Variants in DIAPH2 observed in about 807,000 individuals in gnomAD.
The protein encoded by DIAPH2 is diaphanous related formin 2, also known as protein diaphanous homolog 2.
In DIAPH2, 35 loss-of-function variants were observed where a neutral mutation model predicts 92.7. That is an observed-to-expected ratio of 0.38 (90% CI 0.29 to 0.50). The LOEUF is 0.50. Ranked by LOEUF, DIAPH2 falls within the 20% of genes least tolerant of loss-of-function variation. The pLI, the probability that DIAPH2 is intolerant of heterozygous loss-of-function variation, is 0.94. For missense variants in DIAPH2, 701 were observed against 819.5 expected, an observed-to-expected ratio of 0.86 and a Z score of 1.77; for synonymous variants, 301 against 280.4, an observed-to-expected ratio of 1.07 and a Z score of -0.73.
intron 22 of DIAPH2, among the ~76,000 whole-genome samples, chrX:97,208,546 G>A (rs1010128645): frequency 9.0e-6 from 1 of 111,579 alleles, no homozygotes; most frequent in Non-Finnish European, 1.9e-5. Context: ...TTCTGTGTTC[G>A]CTACTTTTGC....
intron 26 of DIAPH2, among the ~76,000 whole-genome samples, chrX:97,577,292 C>T (rs1438001631): frequency 8.9e-6 from 1 of 111,972 alleles, no homozygotes; most frequent in Non-Finnish European, 1.9e-5. Context: ...TCTATAAATC[C>T]TTGTAAAAGT....
At chrX:97,456,533 T>C (rs1051012318) in intron 26 of DIAPH2, among the ~76,000 whole-genome samples, 5 of 111,581 alleles carry the variant, frequency 4.5e-5, no homozygotes, top group African/African-American at 1.6e-4. Context: ...TATAACAATA[T>C]TTGTGTACCA....
intron 17 of DIAPH2, among the ~76,000 whole-genome samples, chrX:97,059,677 C>T (rs750869619): frequency 2.7e-5 from 3 of 111,876 alleles, no homozygotes; most frequent in Non-Finnish European, 5.6e-5. Context: ...GAGATGAAAA[C>T]GTTGTGAAGA....
chrX:96,949,089 G>A, intron 15 of DIAPH2, 50 bp downstream of exon 15: 1 of 869,623 alleles, frequency 1.1e-6, no homozygotes, highest in Non-Finnish European at 1.6e-6. Flanking sequence ...GAGTTTGATG[G>A]TAGAAAATTA....
intron 4 of DIAPH2, among the ~76,000 whole-genome samples, chrX:96,770,169 G>A (rs1220601830): frequency 9.3e-6 from 1 of 107,234 alleles, no homozygotes; most frequent in African/African-American, 3.5e-5. Flanking sequence ...CTGCACCCCA[G>A]CCTGGGTGAC....
In DIAPH2 at chrX:97,043,959, C is replaced by A. The variant is rs138164779; in HGVS notation, c.2051-28982C>A. Among the ~76,000 whole-genome samples the A allele has an allele frequency of 7.9e-3, 881 of 111,863 alleles. 7 individuals carry two copies. The highest frequency in any genetic ancestry group is 0.028 in the African/African-American group (860 of 30,868). On this transcript the variant is annotated intron_variant, in intron 17 of 26. Transcript: ENST00000324765. ...AAGCTTGAAATGGGCATAGTTTTTACCATAGTGTAACTTTAATTGCATGCT... is the reference window on the plus strand; with the variant it reads ...AAGCTTGAAATGGGCATAGTTTTTAACATAGTGTAACTTTAATTGCATGCT...
rs1452944854 is a variant in DIAPH2 at position 97,601,349 on chromosome X, C to CTTA, written c.*2035_*2037dup. 1 of 111,093 alleles carries CTTA rather than the reference C, an allele frequency of 9.0e-6. No homozygotes were observed. Among genetic ancestry groups the CTTA allele is most frequent in the East Asian group, 2.8e-4 (1 of 3,550 alleles). 9.2% of individuals were successfully genotyped at this position (111,093 alleles called of 1,213,427 possible). On this transcript the variant is annotated 3_prime_UTR_variant, in exon 27 of 27. Coordinates refer to ENST00000324765, the MANE Select transcript of DIAPH2 (RefSeq NM_006729.5). The stretch of plus-strand genomic sequence containing the variant: ...TCACCTTTTCCAGATACAAACTTGC[C>CTTA]TTATTTTCTAGTTTGTGAACAAGAA...
chrX:97,026,311 A>T (rs1204705804), intron 17 of DIAPH2, among the ~76,000 whole-genome samples: 1 of 112,382 alleles, frequency 8.9e-6, no homozygotes, highest in Non-Finnish European at 1.9e-5. Flanking sequence ...GTTAGGAAAT[A>T]AAAAGTAACC....
chrX:97,493,247 TATTTATTC>T (rs1255810176), intron 26 of DIAPH2, among the ~76,000 whole-genome samples: 12 of 94,102 alleles, frequency 1.3e-4, no homozygotes, highest in Non-Finnish European at 7.5e-5. Flanking sequence ...TTTATTTATT[TATTTATTC>T]ATTTATTTAT....
chrX:97,064,556 C>T lies in DIAPH2; in HGVS notation c.2051-8385C>T, dbSNP rs2066621285. On this transcript the variant is annotated intron_variant, in intron 17 of 26. Transcript: ENST00000324765. Reference sequence around the variant, plus strand: ...ATCTCTCGTCTCTAGTCTTTATCTTCCCCTGCAACCATAAAAAATTAATAA... The same window carrying T: ...ATCTCTCGTCTCTAGTCTTTATCTTTCCCTGCAACCATAAAAAATTAATAA... Among the ~76,000 whole-genome samples, 3 of 110,569 alleles carry T rather than the reference C, an allele frequency of 2.7e-5. 1 individual carries two copies. Among genetic ancestry groups the T allele is most frequent in the Admixed American group, 2.0e-4 (2 of 10,233 alleles).
intron 4 of DIAPH2, among the ~76,000 whole-genome samples, chrX:96,847,915 TTGA>T (rs1429429288): frequency 1.8e-5 from 2 of 111,941 alleles, no homozygotes; most frequent in Non-Finnish European, 3.8e-5. Flanking sequence ...GTTTATCTTG[TTGA>T]TATGATTCTA....
At chrX:97,094,090 A>G (rs183764656) in intron 19 of DIAPH2, among the ~76,000 whole-genome samples, 38 of 111,847 alleles carry the variant, frequency 3.4e-4, no homozygotes, top group African/African-American at 1.2e-3. Context: ...GATAAGGTGT[A>G]GGGATGGGTC....
chrX:96,864,000 C>T (rs1283574002), intron 4 of DIAPH2, among the ~76,000 whole-genome samples: 1 of 111,401 alleles, frequency 9.0e-6, no homozygotes, highest in Admixed American at 9.6e-5. Context: ...GAGGTCAATG[C>T]TGCAGTGATA....
At chrX:97,507,632 A>C (rs1358850166) in intron 26 of DIAPH2, among the ~76,000 whole-genome samples, 1 of 112,044 alleles carries the variant, frequency 8.9e-6, no homozygotes, top group African/African-American at 3.2e-5. Flanking sequence ...ACAATGAGTT[A>C]GTTTTTCAGA....
At position 96,688,320 on chromosome X, in the gene DIAPH2, G is replaced by A. The variant is rs1422593053; in HGVS notation, c.132+3130G>A. ...CTATTTGGTTATTTGTTTACAACTGGATAAATTATGTTTTTATTTATTTAT... is the reference window on the plus strand; with the variant it reads ...CTATTTGGTTATTTGTTTACAACTGAATAAATTATGTTTTTATTTATTTAT... On this transcript the variant is annotated intron_variant, in intron 1 of 26. Transcript: ENST00000324765. Among the ~76,000 whole-genome samples the A allele has an allele frequency of 4.4e-5, 5 of 112,555 alleles. No individual in the cohort carries two copies. In the Admixed American group the frequency reaches 4.7e-4, roughly 11 times the overall value.
intron 4 of DIAPH2, among the ~76,000 whole-genome samples, chrX:96,763,565 G>C (rs994768899): frequency 1.8e-5 from 2 of 111,251 alleles, no homozygotes; most frequent in Non-Finnish European, 3.8e-5. Context: ...GGGAGGCCTG[G>C]GTGCTTGTCT....
chrX:96,969,793 G>A (rs2065916480), intron 17 of DIAPH2, among the ~76,000 whole-genome samples: 1 of 111,307 alleles, frequency 9.0e-6, no homozygotes, highest in Non-Finnish European at 1.9e-5. Flanking sequence ...ATGAGAGAGG[G>A]CATCCTTGTC....
intron 21 of DIAPH2, among the ~76,000 whole-genome samples, chrX:97,125,467 G>A (rs1339017304): frequency 5.8e-4 from 33 of 56,490 alleles, no homozygotes; most frequent in African/African-American, 1.7e-3. Flanking sequence ...GAGTGACTCC[G>A]TCTCAAAAAA....
At chrX:97,155,568 T>C (rs921909856) in intron 22 of DIAPH2, among the ~76,000 whole-genome samples, 1 of 111,636 alleles carries the variant, frequency 9.0e-6, no homozygotes, top group Non-Finnish European at 1.9e-5. Context: ...CCTGGAAGTA[T>C]GCAAAGATTT....
Sources: allele counts gnomAD v4.1 joint callset (sites outside exome capture counted in the v4.1 genomes callset), GRCh38; gene constraint gnomAD v4.1.1; transcripts MANE v1.5; gene names NCBI Gene and HGNC (gene_info 2026-07-23, HGNC 2026-07-21).